The following TRMO variants were observed in gnomAD, a reference collection of about 807,000 sequenced individuals.
The protein encoded by TRMO is tRNA methyltransferase O.
A neutral mutation model predicts 37.2 loss-of-function variants in TRMO; 30 were observed. The ratio of observed to expected loss-of-function variants is 0.81; its 90% CI spans 0.60 to 1.09. TRMO has a LOEUF of 1.09. Ranked by LOEUF, TRMO falls within the 50% of genes least tolerant of loss-of-function variation. TRMO has a pLI of 0.00. For synonymous variants in TRMO, 239 were observed against 199.4 expected (o/e 1.20, Z -1.67); for missense variants, 552 against 549.5 (o/e 1.00, Z -0.05).
At chr9:97,899,257 C>T in the TRMO span, among the ~76,000 whole-genome samples, 1 of 141,814 alleles carries the variant, frequency 7.1e-6, no homozygotes, top group Non-Finnish European at 1.5e-5. Flanking sequence ...CCTGCCCGGG[C>T]AGTGAAGGTG....
chr9:97,921,292 A>G (rs1304766505), intron 1 of TRMO, among the ~76,000 whole-genome samples: 1 of 152,378 alleles, frequency 6.6e-6, no homozygotes, highest in Admixed American at 6.5e-5. Flanking sequence ...GCAGTGGCTC[A>G]TGCCTGTAAT....
chr9:97,916,192 T>C lies in TRMO; in HGVS notation c.223A>G (p.Met75Val), dbSNP rs760135051. 97 of 1,611,624 alleles carry C rather than the reference T, an allele frequency of 6.0e-5. No homozygotes were observed. Among genetic ancestry groups the C allele is most frequent in the Non-Finnish European group, 8.0e-5 (94 of 1,179,156 alleles). Reference sequence around the variant, plus strand: ...ACATGAGAAAACTGTTCTAGGCCCATCAAGGAATGTTCAGGATTATTAAAG... The same window carrying C: ...ACATGAGAAAACTGTTCTAGGCCCACCAAGGAATGTTCAGGATTATTAAAG... ...RIFNNPEHSL[M>V]GLEQFSHVWI... The change falls in exon 2 of 5, where the codon ATG (methionine) becomes GTG (valine). Residue 75 changes from methionine (M) to valine (V), a missense_variant. By Grantham distance (21) the Met-to-Val change is conservative. Coordinates refer to ENST00000375119, the MANE Select transcript of TRMO (RefSeq NM_016481.5).
Position 97,916,292 on chromosome 9 carries a change from C to T in TRMO, c.123G>A (p.Ser41=), listed in dbSNP as rs763180676. ...GCTGTCTTGGAGTACCATTCTTGGC[C>T]GAGAAACAAGATTCCAAGTAGCCGA... ...EPVGYLESCF[S]AKNGTPRQPS... Residue 41 remains serine (S), a synonymous_variant, in exon 2 of 5, where the codon TCG becomes TCA. Transcript: ENST00000375119. The T allele has an allele frequency of 2.3e-5, 37 of 1,612,690 alleles. No individual in the cohort carries two copies. Among genetic ancestry groups the T allele is most frequent in the Admixed American group, 1.8e-4 (11 of 59,834 alleles).
At chr9:97,901,777 A>T (rs1831175011), downstream of TRMO, among the ~76,000 whole-genome samples, 1 of 148,520 alleles carries the variant, frequency 6.7e-6, no homozygotes. Context: ...AAAAGCTTGG[A>T]TGGATAAATA....
chr9:97,906,152 T>C (rs1409970989), intron 4 of TRMO, among the ~76,000 whole-genome samples: 2 of 104,918 alleles, frequency 1.9e-5, no homozygotes, highest in East Asian at 9.1e-4. Context: ...AAAGAGACTG[T>C]ATCTCAAAAA....
At chr9:97,905,226 A>G (rs946648454) in intron 4 of TRMO, among the ~76,000 whole-genome samples, 4 of 152,112 alleles carry the variant, frequency 2.6e-5, no homozygotes, top group African/African-American at 9.7e-5. Context: ...TCATGGTAGT[A>G]TTTTTCCTTA....
chr9:97,900,048 C>T (rs1242603854), downstream of TRMO, among the ~76,000 whole-genome samples: 2 of 152,126 alleles, frequency 1.3e-5, no homozygotes, highest in Non-Finnish European at 2.9e-5. Context: ...TAGAGCAAGA[C>T]TGCCTCAAAA....
chr9:97,917,380 T>C (rs1826418649), intron 1 of TRMO, among the ~76,000 whole-genome samples: 1 of 152,222 alleles, frequency 6.6e-6, no homozygotes, highest in Non-Finnish European at 1.5e-5. Flanking sequence ...AGTAGCCTAC[T>C]GCCCCTCTAG....
chr9:97,912,961 T>C, intron 3 of TRMO: 1 of 1,302,176 alleles, frequency 7.7e-7, no homozygotes. Flanking sequence ...ATGATATCTG[T>C]CCATTTCCCC....
At chr9:97,908,344 G>A (rs1173438685) in intron 4 of TRMO, among the ~76,000 whole-genome samples, 6 of 151,308 alleles carry the variant, frequency 4.0e-5, no homozygotes, top group Admixed American at 6.6e-5. Context: ...CCCGGGAGGC[G>A]GAGCTTGCAG....
In TRMO at chr9:97,908,228, C is replaced by T. The variant is rs146984242; in HGVS notation, c.1066+1732G>A. Among the ~76,000 whole-genome samples the T allele has an allele frequency of 2.1e-3, 317 of 152,102 alleles. 1 individual carries two copies. Among genetic ancestry groups the T allele is most frequent in the African/African-American group, 5.3e-3 (222 of 41,498 alleles). ...GAGATCGAGACCATCCTGCCTAACA[C>T]GGTGAAACTCAGTCTCTACTAAAAA... On this transcript the variant is annotated intron_variant, in intron 4 of 4. Transcript: ENST00000375119.
At chr9:97,902,008 A>T (rs1831179985), downstream of TRMO, among the ~76,000 whole-genome samples, 1 of 152,214 alleles carries the variant, frequency 6.6e-6, no homozygotes, top group Non-Finnish European at 1.5e-5. Context: ...AGCTGAAGAA[A>T]ACGGGGGTGC....
Position 97,910,152 on chromosome 9 carries a change from C to T in TRMO, c.874G>A (p.Val292Met). The change falls in exon 4 of 5, where the codon GTG becomes ATG. Residue 292 changes from valine to methionine, a missense_variant. Transcript: ENST00000375119. ...EKGTDKKLER[V>M]EGAAVLQGSR... ...CCTTGCAAGACTGCTGCTCCTTCCA[C>T]TCTTTCTAGCTTCTTGTCTGTACCT... 1 of 1,614,224 alleles carries T rather than the reference C, an allele frequency of 6.2e-7. No individual in the cohort carries two copies. The highest frequency in any genetic ancestry group is 8.5e-7 in the Non-Finnish European group (1 of 1,180,026).
Position 97,922,499 on chromosome 9 carries a change from C to T in TRMO, c.-6G>A, listed in dbSNP as rs369570790. ...GACTCCTCCAAGCCGCGCATGGCTA[C>T]TGGTTGCTGAGGTGCCCACCCGACG... On this transcript the variant is annotated 5_prime_UTR_variant, in exon 1 of 5. Coordinates refer to ENST00000375119, the MANE Select transcript of TRMO (RefSeq NM_016481.5). The T allele has an allele frequency of 2.5e-6, 4 of 1,569,556 alleles. No homozygotes were observed. The highest frequency in any genetic ancestry group is 3.4e-6 in the Non-Finnish European group (4 of 1,159,900).
downstream of TRMO, among the ~76,000 whole-genome samples, chr9:97,901,587 C>T (rs796310558): frequency 5.9e-5 from 9 of 151,976 alleles, no homozygotes; most frequent in African/African-American, 1.9e-4. Context: ...TGTACATGCA[C>T]GCACCAAAAC....
intron 3 of TRMO, chr9:97,912,873 C>T (rs1257646107): frequency 7.8e-7 from 1 of 1,284,462 alleles, no homozygotes; most frequent in African/African-American, 1.5e-5. Context: ...CTTCTACAAC[C>T]TGACCAATGT....
chr9:97,902,488 G>C (rs1825696085), downstream of TRMO, among the ~76,000 whole-genome samples: 1 of 152,090 alleles, frequency 6.6e-6, no homozygotes, highest in South Asian at 2.1e-4. Flanking sequence ...TTTAAGTAGA[G>C]GTAGGGTTTC....
At chr9:97,909,834 T>C (rs1048275673) in intron 4 of TRMO, 126 bp downstream of exon 4, 1 of 664,360 alleles carries the variant, frequency 1.5e-6, no homozygotes. Flanking sequence ...TATTATTTTA[T>C]ACCTGTTTCC....
chr9:97,914,705 T>C (rs1826274976), intron 2 of TRMO, among the ~76,000 whole-genome samples: 1 of 152,198 alleles, frequency 6.6e-6, no homozygotes, highest in Admixed American at 6.5e-5. Context: ...GTAAATCTAC[T>C]GTCGTGAAAG....
Sources: gnomAD v4.1 joint callset for allele counts (sites outside exome capture counted in the v4.1 genomes callset) on GRCh38, gnomAD v4.1.1 for gene constraint, MANE v1.5 for transcripts, NCBI Gene and HGNC (gene_info 2026-07-23, HGNC 2026-07-21) for gene names.